SYT13: variants seen among roughly 807,000 people sequenced by gnomAD.
SYT13 encodes synaptotagmin 13.
SYT13 carries 21 observed loss-of-function variants against 38.6 expected under a neutral mutation model. That is an observed-to-expected ratio of 0.54 (90% CI 0.39 to 0.78). The LOEUF (loss-of-function observed/expected upper bound fraction) is 0.78, where lower values mean the gene tolerates loss of function less well. SYT13 is among the 30% of genes least tolerant of loss of function. The pLI, the probability that SYT13 is intolerant of heterozygous loss-of-function variation, is 0.00. For synonymous variants in SYT13, 241 were observed against 237.6 expected (o/e 1.01, Z -0.13); for missense variants, 495 against 548.7 (o/e 0.90, Z 0.98).
intron 1 of SYT13, among the ~76,000 whole-genome samples, chr11:45,279,614 C>T (rs1406924965): frequency 6.6e-6 from 1 of 152,112 alleles, no homozygotes; most frequent in African/African-American, 2.4e-5. Flanking sequence ...GGTTAAAATG[C>T]TTAGAACAGT....
At chr11:45,273,800 A>G (rs1365417848) in intron 1 of SYT13, among the ~76,000 whole-genome samples, 3 of 152,256 alleles carry the variant, frequency 2.0e-5, no homozygotes, top group Non-Finnish European at 4.4e-5. Flanking sequence ...CGTTTCATTT[A>G]TCACGTCTGG....
intron 1 of SYT13, among the ~76,000 whole-genome samples, chr11:45,274,805 T>C (rs1341843242): frequency 6.6e-6 from 1 of 152,186 alleles, no homozygotes; most frequent in Non-Finnish European, 1.5e-5. Context: ...CCTACAGCCT[T>C]TACATCGTGC....
chr11:45,243,484 C>T lies in SYT13; in HGVS notation c.*568G>A, dbSNP rs1854576954. 6.6e-6 allele frequency: 1 copy of T among 152,398 alleles called. No homozygotes were observed. Among genetic ancestry groups the T allele is most frequent in the East Asian group, 1.9e-4 (1 of 5,178 alleles). 9.4% of individuals were successfully genotyped at this position (152,398 alleles called of 1,614,324 possible). A position where few individuals can be genotyped will look rare whatever the true frequency, so the allele number is the denominator to read the frequency against. On this transcript the variant is annotated 3_prime_UTR_variant, in exon 6 of 6. Transcript: ENST00000020926. ...CATCAGCTTGTTAAAAAGGAAGGCT[C>T]CTGGGCTTCGACCAGGAATACCGAC...
At chr11:45,277,689 A>G (rs953629484) in intron 1 of SYT13, among the ~76,000 whole-genome samples, 9 of 152,092 alleles carry the variant, frequency 5.9e-5, no homozygotes, top group South Asian at 2.1e-4. Context: ...GGAGCCCCCA[A>G]CATCCTTCCC....
intron 1 of SYT13, among the ~76,000 whole-genome samples, chr11:45,284,338 A>G (rs945090724): frequency 6.6e-6 from 1 of 152,174 alleles, no homozygotes; most frequent in Non-Finnish European, 1.5e-5. Flanking sequence ...TACCTTCTCT[A>G]AGCCTCAGTT....
At chr11:45,266,079 AC>A (rs1854877861) in intron 1 of SYT13, among the ~76,000 whole-genome samples, 1 of 152,176 alleles carries the variant, frequency 6.6e-6, no homozygotes, top group African/African-American at 2.4e-5. Flanking sequence ...AGAGATAGAT[AC>A]TTGTACACAC....
chr11:45,259,790 C>T (rs1356074876), intron 1 of SYT13, among the ~76,000 whole-genome samples: 2 of 152,178 alleles, frequency 1.3e-5, no homozygotes, highest in Non-Finnish European at 2.9e-5. Context: ...TAGTAGAAGT[C>T]CCCTCCTCCC....
In SYT13 at chr11:45,248,998, G is replaced by A. The variant is rs533960890; in HGVS notation, c.847-2486C>T. Among the ~76,000 whole-genome samples, 9 of 152,142 alleles carry A rather than the reference G, an allele frequency of 5.9e-5. 1 individual carries two copies. In the East Asian group the frequency reaches 1.7e-3, roughly 29 times the overall value. ...TCTCAGGTCTTAGTGAACCATGCAA[G>A]ACTACCCTTGGAGGCTAATATCCAG... On this transcript the variant is annotated intron_variant, in intron 4 of 5. Transcript: ENST00000020926.
Position 45,249,095 on chromosome 11 carries a change from A to T in SYT13, c.847-2583T>A, listed in dbSNP as rs1854645150. ...CCCCATCAAAAAGTGGGCAAAGGAT[A>T]TGAACAGACACTTCTCAAAAGAAGA... On this transcript the variant is annotated intron_variant, in intron 4 of 5. Transcript: ENST00000020926. Among the ~76,000 whole-genome samples, 4 of 152,246 alleles carry T rather than the reference A, an allele frequency of 2.6e-5. No individual in the cohort carries two copies. The South Asian group carries it at 8.3e-4, about 31-fold the overall frequency.
intron 1 of SYT13, among the ~76,000 whole-genome samples, chr11:45,282,583 C>T (rs555403535): frequency 4.6e-5 from 7 of 152,152 alleles, no homozygotes; most frequent in Admixed American, 3.9e-4. Flanking sequence ...TAATAAGTAC[C>T]ATAATTTAGA....
chr11:45,272,873 A>C lies in SYT13; in HGVS notation c.183+13152T>G, dbSNP rs74344021. ...AGATGCTGAATCAAATGGGAAAACGAAAGTGGCTTCTGAACAATAGAACCT... is the reference window on the plus strand; with the variant it reads ...AGATGCTGAATCAAATGGGAAAACGCAAGTGGCTTCTGAACAATAGAACCT... On this transcript the variant is annotated intron_variant, in intron 1 of 5. Transcript: ENST00000020926. 6.7e-3 allele frequency among the ~76,000 whole-genome samples: 1,015 copies of C among 152,340 alleles called. 6 individuals are homozygous for C. The highest frequency in any genetic ancestry group is 0.011 in the Non-Finnish European group (727 of 68,034).
intron 1 of SYT13, among the ~76,000 whole-genome samples, chr11:45,272,163 G>A (rs1433261194): frequency 6.6e-6 from 1 of 152,188 alleles, no homozygotes; most frequent in East Asian, 1.9e-4. Context: ...CATGGACACA[G>A]GGAGGGGAAC....
At chr11:45,285,978 G>A (rs944847521) in intron 1 of SYT13, 47 bp downstream of exon 1, 1 of 1,575,936 alleles carries the variant, frequency 6.3e-7, no homozygotes, top group Non-Finnish European at 8.6e-7. Flanking sequence ...CAGCTGCCCG[G>A]CAACCCCGCC....
chr11:45,273,164 T>A (rs1258764296), intron 1 of SYT13, among the ~76,000 whole-genome samples: 1 of 152,150 alleles, frequency 6.6e-6, no homozygotes, highest in Non-Finnish European at 1.5e-5. Flanking sequence ...GGCGAGTATG[T>A]AGGGACTGGG....
In SYT13 at chr11:45,242,968, A is replaced by G. The variant is rs3793; in HGVS notation, c.*1084T>C. 117,237 of 152,188 alleles carry G rather than the reference A, an allele frequency of 0.77. 46,556 individuals carry two copies. The highest frequency in any genetic ancestry group is 0.88 in the Non-Finnish European group (59,685 of 68,016). 9.4% of individuals were successfully genotyped at this position (152,188 alleles called of 1,614,324 possible). Reference sequence around the variant, plus strand: ...AAGACCTGATTTCCTTTTTAAAATTATCTTTCTTCTCTACCTACATGTAGC... The same window carrying G: ...AAGACCTGATTTCCTTTTTAAAATTGTCTTTCTTCTCTACCTACATGTAGC... On this transcript the variant is annotated 3_prime_UTR_variant, in exon 6 of 6. Coordinates refer to ENST00000020926, the MANE Select transcript of SYT13 (RefSeq NM_020826.3).
chr11:45,285,887 C>G, intron 1 of SYT13, 138 bp downstream of exon 1: 1 of 1,003,068 alleles, frequency 1.0e-6, no homozygotes, highest in Non-Finnish European at 1.4e-6. Context: ...GACCTGTCCT[C>G]CAACGCGTCT....
intron 1 of SYT13, among the ~76,000 whole-genome samples, chr11:45,276,537 A>C (rs1349798274): frequency 6.6e-6 from 1 of 152,086 alleles, no homozygotes. Context: ...TCTATGTAAC[A>C]AACCTGCACG....
chr11:45,249,514 A>G (rs1277455225), intron 4 of SYT13, among the ~76,000 whole-genome samples: 1 of 152,250 alleles, frequency 6.6e-6, no homozygotes, highest in Non-Finnish European at 1.5e-5. Flanking sequence ...TCCATCAATG[A>G]TAGACTGAAT....
At chr11:45,275,538 A>G (rs1855000401) in intron 1 of SYT13, among the ~76,000 whole-genome samples, 1 of 152,152 alleles carries the variant, frequency 6.6e-6, no homozygotes, top group Non-Finnish European at 1.5e-5. Context: ...CTACCCCAAA[A>G]CCACAATCAA....
Sources: gnomAD v4.1 joint callset for allele counts (sites outside exome capture counted in the v4.1 genomes callset) on GRCh38, gnomAD v4.1.1 for gene constraint, MANE v1.5 for transcripts, NCBI Gene and HGNC (gene_info 2026-07-23, HGNC 2026-07-21) for gene names.